NDUFAF2: variants seen among roughly 807,000 people sequenced by gnomAD.
NDUFAF2 encodes NADH:ubiquinone oxidoreductase complex assembly factor 2, also known as NADH dehydrogenase [ubiquinone] 1 alpha subcomplex assembly factor 2.
NDUFAF2 carries 13 observed loss-of-function variants against 22.8 expected under a neutral mutation model. The observed-to-expected ratio is 0.57, with a 90% CI of 0.37 to 0.91. NDUFAF2 has a LOEUF of 0.91. Ranked by LOEUF, NDUFAF2 falls within the 40% of genes least tolerant of loss-of-function variation. The pLI, the probability that NDUFAF2 is intolerant of heterozygous loss-of-function variation, is 0.01. For synonymous variants in NDUFAF2, 53 were observed against 64.2 expected, an observed-to-expected ratio of 0.83 and a Z score of 0.84; for missense variants, 162 against 195.2, an observed-to-expected ratio of 0.83 and a Z score of 1.01.
chr5:61,113,474 G>A (rs1561569105), intron 3 of NDUFAF2, among the ~76,000 whole-genome samples: 1 of 152,120 alleles, frequency 6.6e-6, no homozygotes, highest in Non-Finnish European at 1.5e-5. Flanking sequence ...ATCTCATCTT[G>A]CATTGTAGTT....
In NDUFAF2 at chr5:60,954,522, C is replaced by T. The variant is rs149787495; in HGVS notation, c.127+9140C>T. Among the ~76,000 whole-genome samples the T allele has an allele frequency of 1.8e-3, 277 of 152,160 alleles. 4 individuals are homozygous for T. The highest frequency in any genetic ancestry group is 6.5e-3 in the African/African-American group (270 of 41,544). On this transcript the variant is annotated intron_variant, in intron 1 of 3. Transcript: ENST00000296597. The stretch of plus-strand genomic sequence containing the variant: ...CCCTGGTTACCTGAGATAACTTGAG[C>T]GTAACTGTTCTTTGAAATCTGAGAC...
intron 3 of NDUFAF2, among the ~76,000 whole-genome samples, chr5:61,102,116 A>G (rs1427174341): frequency 6.6e-6 from 1 of 152,186 alleles, no homozygotes; most frequent in Non-Finnish European, 1.5e-5. Context: ...TTATAGATTT[A>G]ATAAAATGAA....
chr5:61,069,446 T>C (rs968952702), intron 1 of NDUFAF2, among the ~76,000 whole-genome samples: 1 of 152,194 alleles, frequency 6.6e-6, no homozygotes, highest in African/African-American at 2.4e-5. Flanking sequence ...TTTTTAAATC[T>C]ATTTTTATGG....
At chr5:60,963,044 C>T (rs1750712422) in intron 1 of NDUFAF2, among the ~76,000 whole-genome samples, 1 of 151,718 alleles carries the variant, frequency 6.6e-6, no homozygotes, top group South Asian at 2.1e-4. Flanking sequence ...TGCCACCATG[C>T]CTGGCTAATT....
intron 1 of NDUFAF2, among the ~76,000 whole-genome samples, chr5:61,039,637 C>G (rs944496960): frequency 7.9e-5 from 12 of 152,126 alleles, no homozygotes; most frequent in Admixed American, 7.2e-4. Flanking sequence ...ATTTAGGGGA[C>G]GGCTGGTGTC....
At chr5:61,085,037 A>C (rs1462913782) in intron 2 of NDUFAF2, among the ~76,000 whole-genome samples, 3 of 152,164 alleles carry the variant, frequency 2.0e-5, no homozygotes, top group Non-Finnish European at 4.4e-5. Context: ...GGAGATAGGA[A>C]TACTTCTCTA....
At chr5:61,107,044 T>TACAC (rs71578646) in intron 3 of NDUFAF2, among the ~76,000 whole-genome samples, 3,006 of 64,568 alleles carry the variant, frequency 0.047, 63 homozygotes, top group South Asian at 0.073. Context: ...TTTGGATAAA[T>TACAC]ATACACACAC....
In NDUFAF2 at chr5:61,006,366, C is replaced by A. The variant is rs1751366673; in HGVS notation, c.127+60984C>A. ...GTAGCCTTGTAGTATAGTTTGAAGT[C>A]AGGTAGCGTGATGCCTCCAGCTTTG... On this transcript the variant is annotated intron_variant, in intron 1 of 3. Transcript: ENST00000296597. Among the ~76,000 whole-genome samples the A allele has an allele frequency of 3.3e-5, 5 of 152,254 alleles. No individual in the cohort carries two copies. The South Asian group carries it at 1.0e-3, about 32-fold the overall frequency.
chr5:60,982,225 G>A (rs1354388642), intron 1 of NDUFAF2, among the ~76,000 whole-genome samples: 1 of 152,158 alleles, frequency 6.6e-6, no homozygotes, highest in Non-Finnish European at 1.5e-5. Flanking sequence ...ACATACCTGA[G>A]ACAGGGCAAT....
chr5:61,104,449 T>C (rs967068112), intron 3 of NDUFAF2, among the ~76,000 whole-genome samples: 1 of 152,088 alleles, frequency 6.6e-6, no homozygotes, highest in Non-Finnish European at 1.5e-5. Flanking sequence ...TACTTCATTT[T>C]TAATATACAT....
chr5:61,056,830 G>A (rs1325558525), intron 1 of NDUFAF2, among the ~76,000 whole-genome samples: 8 of 140,720 alleles, frequency 5.7e-5, no homozygotes, highest in Admixed American at 2.2e-4. Context: ...CCGAGGTTGC[G>A]GTGAGCTGAG....
intron 2 of NDUFAF2, among the ~76,000 whole-genome samples, chr5:61,088,956 C>T (rs1016024024): frequency 3.9e-5 from 6 of 151,990 alleles, no homozygotes; most frequent in African/African-American, 7.2e-5. Flanking sequence ...GAATGGTTAC[C>T]TACTGGATCT....
intron 2 of NDUFAF2, among the ~76,000 whole-genome samples, chr5:61,085,674 G>A (rs953041054): frequency 6.6e-6 from 1 of 151,594 alleles, no homozygotes; most frequent in South Asian, 2.1e-4. Flanking sequence ...AAGATACAGG[G>A]GAATATAAAA....
At chr5:61,063,883 A>G (rs1526896) in intron 1 of NDUFAF2, among the ~76,000 whole-genome samples, 63,575 of 151,906 alleles carry the variant, frequency 0.42, 14,178 homozygotes, top group East Asian at 0.81. Flanking sequence ...GTAAGAACTT[A>G]TTTATCAGTA....
At chr5:60,950,639 G>A (rs1358710902) in intron 1 of NDUFAF2, among the ~76,000 whole-genome samples, 1 of 146,842 alleles carries the variant, frequency 6.8e-6, no homozygotes, top group Non-Finnish European at 1.5e-5. Flanking sequence ...CTTGCTTGCT[G>A]GGTTTTTTTT....
intron 1 of NDUFAF2, among the ~76,000 whole-genome samples, chr5:61,017,814 A>C (rs1751531692): frequency 6.6e-6 from 1 of 151,774 alleles, no homozygotes; most frequent in Non-Finnish European, 1.5e-5. Flanking sequence ...CAGTGGCTTG[A>C]CCTCGGCTCA....
intron 3 of NDUFAF2, among the ~76,000 whole-genome samples, chr5:61,112,230 T>G (rs1179729107): frequency 6.6e-6 from 1 of 151,180 alleles, no homozygotes; most frequent in Non-Finnish European, 1.5e-5. Flanking sequence ...TTTTTTTTTT[T>G]TTGAGACAGA....
At chr5:61,047,601 C>T (rs1751969662) in intron 1 of NDUFAF2, among the ~76,000 whole-genome samples, 1 of 152,014 alleles carries the variant, frequency 6.6e-6, no homozygotes. Context: ...TCTTGGATCT[C>T]AGTGTTGTAA....
chr5:60,969,039 G>A (rs1750794608), intron 1 of NDUFAF2, among the ~76,000 whole-genome samples: 1 of 152,024 alleles, frequency 6.6e-6, no homozygotes, highest in Non-Finnish European at 1.5e-5. Flanking sequence ...CAAATGACAG[G>A]ATTGCATTCT....
Sources: allele counts gnomAD v4.1 joint callset (sites outside exome capture counted in the v4.1 genomes callset), GRCh38; gene constraint gnomAD v4.1.1; transcripts MANE v1.5; gene names NCBI Gene and HGNC (gene_info 2026-07-23, HGNC 2026-07-21).